BAIAP2L1: variants seen among roughly 807,000 people sequenced by gnomAD.
BAIAP2L1 encodes BAR/IMD domain-containing adapter protein 2-like 1.
A neutral mutation model predicts 66.3 loss-of-function variants in BAIAP2L1; 35 were observed. That is an observed-to-expected ratio of 0.53 (90% confidence interval 0.40 to 0.70). The LOEUF (loss-of-function observed/expected upper bound fraction) is 0.70, where lower values mean the gene tolerates loss of function less well. Among genes scored for constraint, BAIAP2L1 ranks in the 30% least tolerant of loss-of-function variants. The probability of loss-of-function intolerance (pLI) is 0.00; values close to 1 mark genes in which losing one functional copy is unlikely to be tolerated. For synonymous variants in BAIAP2L1, 269 were observed against 248.7 expected, an observed-to-expected ratio of 1.08 and a Z score of -0.77; for missense variants, 622 against 656.9, an observed-to-expected ratio of 0.95 and a Z score of 0.58.
intron 12 of BAIAP2L1, among the ~76,000 whole-genome samples, chr7:98,296,636 AAAC>A (rs1413910798): frequency 6.6e-6 from 1 of 152,210 alleles, no homozygotes; most frequent in African/African-American, 2.4e-5. Context: ...AAAAACAAAA[AAAC>A]AAAAAACCAA....
chr7:98,330,572 G>A (rs780699554), intron 3 of BAIAP2L1, among the ~76,000 whole-genome samples: 10 of 152,116 alleles, frequency 6.6e-5, no homozygotes, highest in Non-Finnish European at 1.0e-4. Flanking sequence ...CAAAAGAATC[G>A]CTTGAACCCT....
intron 12 of BAIAP2L1, among the ~76,000 whole-genome samples, chr7:98,297,828 G>A (rs573976188): frequency 9.2e-5 from 14 of 152,312 alleles, no homozygotes; most frequent in African/African-American, 2.6e-4. Context: ...GTGAGGGCGC[G>A]CTGTGAAATG....
chr7:98,316,300 G>C (rs561574406), intron 6 of BAIAP2L1, among the ~76,000 whole-genome samples: 4 of 152,138 alleles, frequency 2.6e-5, no homozygotes, highest in Admixed American at 6.5e-5. Context: ...CAGTCTCGGG[G>C]TATGTCTTTA....
At chr7:98,372,392 C>A (rs183481836) in intron 1 of BAIAP2L1, among the ~76,000 whole-genome samples, 1 of 151,778 alleles carries the variant, frequency 6.6e-6, no homozygotes, top group East Asian at 2.0e-4. Context: ...GGTGACAGAA[C>A]GAAACTCAGT....
chr7:98,376,932 CTTTT>C (rs1213717403), intron 1 of BAIAP2L1, among the ~76,000 whole-genome samples: 1 of 152,192 alleles, frequency 6.6e-6, no homozygotes. Context: ...TACACTACAA[CTTTT>C]ATTTAAAGTT....
chr7:98,321,116 C>G (rs1801230975), intron 3 of BAIAP2L1, among the ~76,000 whole-genome samples: 1 of 152,152 alleles, frequency 6.6e-6, no homozygotes, highest in Non-Finnish European at 1.5e-5. Context: ...ACCTCAGCCT[C>G]CCAAAGTGCT....
At position 98,383,507 on chromosome 7, in the gene BAIAP2L1, G is replaced by C. The variant is rs186174427; in HGVS notation, c.51+17295C>G. Among the ~76,000 whole-genome samples the C allele has an allele frequency of 3.3e-3, 495 of 151,910 alleles. 3 individuals are homozygous for C. The highest frequency in any genetic ancestry group is 0.011 in the African/African-American group (469 of 41,476). On this transcript the variant is annotated intron_variant, in intron 1 of 13. Coordinates refer to ENST00000005260, the MANE Select transcript of BAIAP2L1 (RefSeq NM_018842.5). ...TCTCCATGTTGGTCAGGCTGGTCTC[G>C]AACTCCAGACCTCAGGTGATCCACC...
At chr7:98,396,237 T>G (rs1332100297) in intron 1 of BAIAP2L1, among the ~76,000 whole-genome samples, 1 of 152,008 alleles carries the variant, frequency 6.6e-6, no homozygotes. Context: ...ACCCGGCTAA[T>G]TTTTGTATCT....
chr7:98,379,719 A>G (rs749725795), intron 1 of BAIAP2L1, among the ~76,000 whole-genome samples: 2 of 151,962 alleles, frequency 1.3e-5, no homozygotes, highest in African/African-American at 2.4e-5. Flanking sequence ...TATCCATTTA[A>G]TAGAATATTA....
rs1191035774 is a variant in BAIAP2L1 at position 98,393,609 on chromosome 7, C to T, written c.51+7193G>A. Among the ~76,000 whole-genome samples the T allele has an allele frequency of 4.6e-5, 7 of 151,538 alleles. No homozygotes were observed. The East Asian group carries it at 7.9e-4, about 17-fold the overall frequency. ...GCCTCCTGGGTTCACGCCATTCTCCCGCCTCAGCCTCCCGAGTAGCTGGGA... is the reference window on the plus strand; with the variant it reads ...GCCTCCTGGGTTCACGCCATTCTCCTGCCTCAGCCTCCCGAGTAGCTGGGA... On this transcript the variant is annotated intron_variant, in intron 1 of 13. Coordinates refer to ENST00000005260, the MANE Select transcript of BAIAP2L1 (RefSeq NM_018842.5).
intron 1 of BAIAP2L1, among the ~76,000 whole-genome samples, chr7:98,392,040 G>T (rs1803057384): frequency 1.3e-5 from 2 of 151,812 alleles, no homozygotes; most frequent in South Asian, 4.2e-4. Flanking sequence ...GGTTTTAAAA[G>T]ATCTACTTAA....
chr7:98,330,641 A>G (rs774518523), intron 3 of BAIAP2L1, among the ~76,000 whole-genome samples: 2 of 152,156 alleles, frequency 1.3e-5, no homozygotes, highest in African/African-American at 2.4e-5. Flanking sequence ...TGGGTGACAG[A>G]GCAAAACTGT....
intron 3 of BAIAP2L1, among the ~76,000 whole-genome samples, chr7:98,347,648 G>A (rs1009695891): frequency 1.3e-5 from 2 of 152,050 alleles, no homozygotes; most frequent in Non-Finnish European, 2.9e-5. Flanking sequence ...CGTGGCAGGC[G>A]CCTGTAGTCC....
At chr7:98,323,451 G>A (rs1375954202) in intron 3 of BAIAP2L1, 1 of 152,226 alleles carries the variant, frequency 6.6e-6, no homozygotes, top group African/African-American at 2.4e-5. Flanking sequence ...AGCATTCGGT[G>A]ATTTGAGCTA....
intron 9 of BAIAP2L1, chr7:98,308,130 CT>C (rs1306024670): frequency 3.1e-6 from 2 of 649,032 alleles, no homozygotes; most frequent in Non-Finnish European, 5.7e-6. Context: ...AAGAGGATCC[CT>C]GCGGCTGCGG....
rs750099451 is a variant in BAIAP2L1 at position 98,389,918 on chromosome 7, A to ATTTTTTTTTTTTTTTTTTTTTTTT, written c.51+10883_51+10884insAAAAAAAAAAAAAAAAAAAAAAAA. ...TGCACGTGTAGTCTTGGGTTAGTAA[A>ATTTTTTTTTTTTTTTTTTTTTTTT]TTTTTTTTTTTTTTTGAGAGGTAGT... On this transcript the variant is annotated intron_variant, in intron 1 of 13. Transcript: ENST00000005260. Among the ~76,000 whole-genome samples, 2 of 129,764 alleles carry ATTTTTTTTTTTTTTTTTTTTTTTT rather than the reference A, an allele frequency of 1.5e-5. 1 individual carries two copies. 85.1% of individuals were successfully genotyped at this position (129,764 alleles called of 152,430 possible).
rs150463891 is a variant in BAIAP2L1, at chr7:98,317,334, G to T, written c.371C>A (p.Thr124Lys). 6.2e-7 allele frequency: 1 copy of T among 1,613,918 alleles called. No homozygotes were observed. The highest frequency in any genetic ancestry group is 1.1e-5 in the South Asian group (1 of 91,082). Residue 124 changes from threonine to lysine, a missense_variant, in exon 6 of 14, where the codon ACA (threonine) becomes AAA (lysine). By Grantham distance (78) the Thr-to-Lys change is moderately conservative. Coordinates refer to ENST00000005260, the MANE Select transcript of BAIAP2L1 (RefSeq NM_018842.5). The part of the protein sequence containing the change: ...YMNATLKRYQ[T>K]EHKNKLESLE... ...AGACTCTAATTTATTCTTGTGTTCT[G>T]TTTGGTATCTTTTTAGAGTTGCCTG...
chr7:98,330,146 A>G (rs560282755), intron 3 of BAIAP2L1, among the ~76,000 whole-genome samples: 8 of 152,318 alleles, frequency 5.3e-5, no homozygotes, highest in African/African-American at 1.9e-4. Context: ...AGCAAACATT[A>G]CAGGCATGCT....
Position 98,294,058 on chromosome 7 carries a change from A to G in BAIAP2L1, c.1460+16T>C. 1 of 1,613,642 alleles carries G rather than the reference A, an allele frequency of 6.2e-7. No homozygotes were observed. Among genetic ancestry groups the G allele is most frequent in the Non-Finnish European group, 8.5e-7 (1 of 1,179,496 alleles). ...CAATGTCACACACTGAGGCTCACGT[A>G]GGAAGCCACGCCTACCTGAGAAAAG... On this transcript the variant is annotated intron_variant, in intron 13 of 13. Coordinates refer to ENST00000005260, the MANE Select transcript of BAIAP2L1 (RefSeq NM_018842.5).
Sources: gnomAD v4.1 joint callset for allele counts (sites outside exome capture counted in the v4.1 genomes callset) on GRCh38, gnomAD v4.1.1 for gene constraint, MANE v1.5 for transcripts, NCBI Gene and HGNC (gene_info 2026-07-23, HGNC 2026-07-21) for gene names.